Variants in CFAP298 observed in about 807,000 individuals in gnomAD.
CFAP298 encodes cilia and flagella associated protein 298.
A neutral mutation model predicts 41.0 loss-of-function variants in CFAP298; 38 were observed. That is an observed-to-expected ratio of 0.93 (90% CI 0.72 to 1.22). The LOEUF (loss-of-function observed/expected upper bound fraction) is 1.22, where lower values mean the gene tolerates loss of function less well. Among genes scored for constraint, CFAP298 ranks in the 50% most tolerant of loss-of-function variants. The pLI is 0.00. For missense variants in CFAP298, 348 were observed against 360.3 expected, an observed-to-expected ratio of 0.97 and a Z score of 0.28; for synonymous variants, 137 against 135.3, an observed-to-expected ratio of 1.01 and a Z score of -0.09.
chr21:32,604,613 G>A (rs1340108804), intron 3 of CFAP298: 5 of 291,336 alleles, frequency 1.7e-5, no homozygotes, highest in East Asian at 8.1e-5. Context: ...GGTGGGCCTC[G>A]AAATGCAGAT....
rs138091636 is a variant in CFAP298, at chr21:32,602,266, T to C, written c.762+6A>G. On this transcript the variant is annotated splice_donor_region_variant and intron_variant, in intron 6 of 6. Transcript: ENST00000290155. The stretch of plus-strand genomic sequence containing the variant: ...CACTGCAGAAAGCCCATCTGTCCCC[T>C]GCTACCTTGAGCTCCTCTTGTCTTC... 1,762 of 1,613,842 alleles carry C rather than the reference T, an allele frequency of 1.1e-3. 11 individuals are homozygous for C. The African/African-American group carries it at 0.016, about 14-fold the overall frequency.
Position 32,607,683 on chromosome 21 carries a change from T to G in CFAP298, c.341A>C (p.Lys114Thr), listed in dbSNP as rs746046767. 6.2e-7 allele frequency: 1 copy of G among 1,601,548 alleles called. No individual in the cohort carries two copies. Among genetic ancestry groups the G allele is most frequent in the South Asian group, 1.1e-5 (1 of 89,696 alleles). The change falls in exon 3 of 7, where the codon AAG becomes ACG. Residue 114 changes from lysine to threonine, a missense_variant. Coordinates refer to ENST00000290155, the MANE Select transcript of CFAP298 (RefSeq NM_021254.4). ...PNEKMKQVLK[K>T]TIEEAKAIIS... ...TATTGCTTTGGCTTCTTCTATAGTC[T>G]TCTTTAACACTTGCTTCATCTTCTC...
rs898058742 is a variant in CFAP298, at chr21:32,600,712, T to C, written c.*1151A>G. On this transcript the variant is annotated 3_prime_UTR_variant, in exon 7 of 7. Transcript: ENST00000290155. ...CCTAGATACTCAGTTAGGATGATAG[T>C]GATCCCATCCATCCCGTGGTTGGTC... Among the ~76,000 whole-genome samples, 1 of 152,210 alleles carries C rather than the reference T, an allele frequency of 6.6e-6. No individual in the cohort carries two copies. Among genetic ancestry groups the C allele is most frequent in the Non-Finnish European group, 1.5e-5 (1 of 68,024 alleles).
Position 32,607,676 on chromosome 21 carries a change from T to C in CFAP298, c.348A>G (p.Ile116Met). Residue 116 changes from isoleucine to methionine, a missense_variant, in exon 3 of 7, where the codon ATA (isoleucine) becomes ATG (methionine). Physicochemically the swap from Ile to Met is conservative, Grantham distance 10. Coordinates refer to ENST00000290155, the MANE Select transcript of CFAP298 (RefSeq NM_021254.4). ...EKMKQVLKKT[I>M]EEAKAIISKK... ...TAGATATTATTGCTTTGGCTTCTTC[T>C]ATAGTCTTCTTTAACACTTGCTTCA... 1 of 1,600,550 alleles carries C rather than the reference T, an allele frequency of 6.2e-7. No individual in the cohort carries two copies. Among genetic ancestry groups the C allele is most frequent in the Non-Finnish European group, 8.5e-7 (1 of 1,170,666 alleles).
In CFAP298 at chr21:32,604,155, A is replaced by T. The variant is rs754907051; in HGVS notation, c.504T>A (p.Phe168Leu). 7 of 1,613,986 alleles carry T rather than the reference A, an allele frequency of 4.3e-6. No individual in the cohort carries two copies. The African/African-American group carries it at 6.7e-5, about 15-fold the overall frequency. Residue 168 changes from phenylalanine to leucine, a missense_variant, in exon 4 of 7, where the codon TTT (phenylalanine) becomes TTA (leucine). Transcript: ENST00000290155. ...LPPYDPIRME[F>L]ENKEDLSGTQ... ...TTCCCGACAAGTCTTCCTTATTTTC[A>T]AACTCCATGCGGATGGGATCATACG...
At chr21:32,606,859 C>T (rs1355110626) in intron 3 of CFAP298, among the ~76,000 whole-genome samples, 2 of 152,212 alleles carry the variant, frequency 1.3e-5, no homozygotes, top group African/African-American at 4.8e-5. Context: ...TCCAGATACA[C>T]ATTATCTGTA....
intron 2 of CFAP298, among the ~76,000 whole-genome samples, chr21:32,608,375 G>A (rs918790512): frequency 2.0e-5 from 3 of 152,108 alleles, no homozygotes; most frequent in Admixed American, 6.5e-5. Flanking sequence ...GAAGTGGTTA[G>A]GCTGGGCGTA....
chr21:32,611,327 ATATATATATATAATTT>A (rs908003271), intron 1 of CFAP298, among the ~76,000 whole-genome samples: 18 of 125,684 alleles, frequency 1.4e-4, no homozygotes, highest in African/African-American at 2.5e-4. Context: ...CCATATATAT[ATATATATATATAATTT>A]ATTTATATTT....
chr21:32,604,185 C>T lies in CFAP298; in HGVS notation c.474G>A (p.Leu158=), dbSNP rs1412947788. The change falls in exon 4 of 7, where the codon TTG becomes TTA. Residue 158 remains leucine, a synonymous_variant. Coordinates refer to ENST00000290155, the MANE Select transcript of CFAP298 (RefSeq NM_021254.4). ...GAVMIVYPMG[L]PPYDPIRMEF... is the part of the protein sequence containing the mutation. ...CCATGCGGATGGGATCATACGGTGG[C>T]AACCCCATGGGGTAAACAATCATCA... 2 of 1,613,980 alleles carry T rather than the reference C, an allele frequency of 1.2e-6. No homozygotes were observed. The highest frequency in any genetic ancestry group is 8.5e-7 in the Non-Finnish European group (1 of 1,179,980).
At chr21:32,603,104 A>G in intron 5 of CFAP298, 57 bp downstream of exon 5, 1 of 1,582,644 alleles carries the variant, frequency 6.3e-7, no homozygotes, top group Non-Finnish European at 8.7e-7. Context: ...GTACATTTTT[A>G]TCAGTTTGAA....
At chr21:32,609,325 C>G (rs184995414) in intron 2 of CFAP298, among the ~76,000 whole-genome samples, 15 of 152,224 alleles carry the variant, frequency 9.9e-5, no homozygotes, top group Admixed American at 7.9e-4. Flanking sequence ...TCATCTGGTT[C>G]GTCGAATACA....
In CFAP298 at chr21:32,604,220, G is replaced by A. The variant is rs1217385253; in HGVS notation, c.439C>T (p.Arg147Ter). Residue 147 changes from arginine (R) to a stop codon, truncating the protein, a stop_gained, in exon 4 of 7, where the codon CGA becomes TGA. Transcript: ENST00000290155. LOFTEE classifies it high-confidence loss of function. ...GGGTAAACAATCATCACCGCGCCTC[G>A]AAGCTGGTCCAAGGCATCTTTCACC... Reference protein sequence around the residue: ...EMVKDALDQLRGAVMIVYPMG... With the variant: ...EMVKDALDQL The A allele has an allele frequency of 2.5e-6, 4 of 1,614,030 alleles. No individual in the cohort carries two copies. The highest frequency in any genetic ancestry group is 4.5e-5 in the East Asian group (2 of 44,856).
At chr21:32,603,099 T>C (rs781726687) in intron 5 of CFAP298, 62 bp downstream of exon 5, 3 of 1,575,790 alleles carry the variant, frequency 1.9e-6, no homozygotes, top group Non-Finnish European at 2.6e-6. Context: ...TCACTGTACA[T>C]TTTTATCAGT....
rs1187778313 is a variant in CFAP298, at chr21:32,601,398, C to T, written c.*465G>A. Among the ~76,000 whole-genome samples, 11 of 148,830 alleles carry T rather than the reference C, an allele frequency of 7.4e-5. No homozygotes were observed. Among genetic ancestry groups the T allele is most frequent in the Admixed American group, 5.4e-4 (8 of 14,778 alleles). ...CTGTAAGCTCCACCTCCCGGGTTCA[C>T]GCCATTCTCCTGCCTCAGCCTCCCG... On this transcript the variant is annotated 3_prime_UTR_variant, in exon 7 of 7. Transcript: ENST00000290155.
At chr21:32,603,050 G>T in intron 5 of CFAP298, 111 bp downstream of exon 5, 1 of 1,395,764 alleles carries the variant, frequency 7.2e-7, no homozygotes, top group Non-Finnish European at 1.0e-6. Flanking sequence ...GAGCCAATAA[G>T]ATTAAAATAT....
chr21:32,602,002 G>T (rs1363449391), intron 6 of CFAP298, 29 bp from the exon 7 acceptor site: 2 of 1,368,474 alleles, frequency 1.5e-6, no homozygotes, highest in Non-Finnish European at 2.1e-6. Flanking sequence ...TATTCAGGCA[G>T]GCATTTCAGG....
At position 32,599,363 on chromosome 21, in the gene CFAP298, G is replaced by C. The variant is rs1043688493; in HGVS notation, c.*2500C>G. 1.3e-5 allele frequency among the ~76,000 whole-genome samples: 2 copies of C among 152,152 alleles called. No individual in the cohort carries two copies. Among genetic ancestry groups the C allele is most frequent in the Admixed American group, 1.3e-4 (2 of 15,276 alleles). ...TTGATGGTCGAAAAGGTTTTAGGTG[G>C]TATCAAATTTTATTACTAGCATTCC... On this transcript the variant is annotated 3_prime_UTR_variant, in exon 7 of 7. Coordinates refer to ENST00000290155, the MANE Select transcript of CFAP298 (RefSeq NM_021254.4).
intron 1 of CFAP298, 54 bp from the exon 2 acceptor site, chr21:32,610,059 G>A (rs1568997337): frequency 1.3e-6 from 2 of 1,488,320 alleles, no homozygotes; most frequent in Non-Finnish European, 1.8e-6. Context: ...TACCCCATTG[G>A]AATGTAAGCT....
Position 32,600,366 on chromosome 21 carries a change from C to T in CFAP298, c.*1497G>A, listed in dbSNP as rs2038715251. ...CTGGGACCCACCCCCTGGGCAAGGCCGCCTGGCAGCAGGCAGGAACCAAAC... is the reference window on the plus strand; with the variant it reads ...CTGGGACCCACCCCCTGGGCAAGGCTGCCTGGCAGCAGGCAGGAACCAAAC... On this transcript the variant is annotated 3_prime_UTR_variant, in exon 7 of 7. Coordinates refer to ENST00000290155, the MANE Select transcript of CFAP298 (RefSeq NM_021254.4). 6.6e-6 allele frequency among the ~76,000 whole-genome samples: 1 copy of T among 152,220 alleles called. No homozygotes were observed. The highest frequency in any genetic ancestry group is 6.5e-5 in the Admixed American group (1 of 15,286).
Sources: allele counts gnomAD v4.1 joint callset (sites outside exome capture counted in the v4.1 genomes callset), GRCh38; gene constraint gnomAD v4.1.1; transcripts MANE v1.5; gene names NCBI Gene and HGNC (gene_info 2026-07-23, HGNC 2026-07-21).